SLC27A1: variants seen among roughly 807,000 people sequenced by gnomAD.
SLC27A1 encodes long-chain fatty acid transport protein 1.
In SLC27A1, 61 loss-of-function variants were observed where a neutral mutation model predicts 62.2. The ratio of observed to expected loss-of-function variants is 0.98; its 90% confidence interval spans 0.80 to 1.21. The LOEUF (loss-of-function observed/expected upper bound fraction) is 1.21, where lower values mean the gene tolerates loss of function less well. Among genes scored for constraint, SLC27A1 ranks in the 50% most tolerant of loss-of-function variants. SLC27A1 has a pLI of 0.00. For synonymous variants in SLC27A1, 435 were observed against 408.6 expected, an observed-to-expected ratio of 1.06 and a Z score of -0.78; for missense variants, 903 against 932.1, an observed-to-expected ratio of 0.97 and a Z score of 0.41.
intron 7 of SLC27A1, chr19:17,499,765 A>C (rs954851084): frequency 1.3e-5 from 2 of 153,810 alleles, no homozygotes; most frequent in African/African-American, 4.8e-5. Context: ...GTGAGCGAAG[A>C]TTGCGCCACT....
At chr19:17,503,931 CAAAAAAAAAAAA>C (rs749427478) in intron 11 of SLC27A1, among the ~76,000 whole-genome samples, 1 of 53,316 alleles carries the variant, frequency 1.9e-5, no homozygotes, top group Admixed American at 2.5e-4. Context: ...GACTATGTCT[CAAAAAAAAAAAA>C]AAAAAAAAAA....
chr19:17,500,697 T>C lies in SLC27A1; in HGVS notation c.1472-15T>C. ...TGGGGATCCTCCACCCATCTGCCCC[T>C]CTCCCCTCTGCCAGGTGACGTGCTA... On this transcript the variant is annotated splice_polypyrimidine_tract_variant and intron_variant, in intron 9 of 11. Coordinates refer to ENST00000252595, the MANE Select transcript of SLC27A1 (RefSeq NM_198580.3). 9.3e-6 allele frequency: 15 copies of C among 1,613,972 alleles called. No individual in the cohort carries two copies. Among genetic ancestry groups the C allele is most frequent in the Non-Finnish European group, 1.3e-5 (15 of 1,179,910 alleles).
rs1040819257 is a variant in SLC27A1 at position 17,471,648 on chromosome 19, A to G, written c.167+941A>G. Reference sequence around the variant, plus strand: ...GCTCAACACCTTCACAGCTCCTTGTAAGATGGAGTAGCAAGAGGGACTGAA... The same window carrying G: ...GCTCAACACCTTCACAGCTCCTTGTGAGATGGAGTAGCAAGAGGGACTGAA... On this transcript the variant is annotated intron_variant, in intron 1 of 11. Coordinates refer to ENST00000252595, the MANE Select transcript of SLC27A1 (RefSeq NM_198580.3). Among the ~76,000 whole-genome samples, 3 of 152,214 alleles carry G rather than the reference A, an allele frequency of 2.0e-5. No homozygotes were observed. In the East Asian group the frequency reaches 5.8e-4, roughly 29 times the overall value.
intron 11 of SLC27A1, among the ~76,000 whole-genome samples, 182 bp from the exon 12 acceptor site, chr19:17,504,273 A>G (rs556691905): frequency 1.3e-5 from 2 of 152,170 alleles, no homozygotes; most frequent in South Asian, 4.1e-4. Context: ...GCCTCACTGG[A>G]GGAGGGGGCA....
At chr19:17,487,413 A>G (rs934688897) in intron 3 of SLC27A1, 47 bp from the exon 4 acceptor site, 2 of 221,516 alleles carry the variant, frequency 9.0e-6, no homozygotes, top group Admixed American at 2.7e-4. Context: ...TCCAGGCCCC[A>G]CCCCCCAATG....
In SLC27A1 at chr19:17,501,998, C is replaced by G. The variant is rs550353656; in HGVS notation, c.1783+579C>G. Among the ~76,000 whole-genome samples, 13 of 151,314 alleles carry G rather than the reference C, an allele frequency of 8.6e-5. No individual in the cohort carries two copies. The South Asian group carries it at 2.7e-3, about 32-fold the overall frequency. On this transcript the variant is annotated intron_variant, in intron 11 of 11. Coordinates refer to ENST00000252595, the MANE Select transcript of SLC27A1 (RefSeq NM_198580.3). The stretch of plus-strand genomic sequence containing the variant: ...AGGCATGGTGGCATGCACTTGTAGT[C>G]CCAGCTACTCAGGAGGCTGAGGCAG...
intron 1 of SLC27A1, among the ~76,000 whole-genome samples, chr19:17,481,714 G>C (rs534232332): frequency 6.6e-6 from 1 of 152,136 alleles, no homozygotes; most frequent in East Asian, 1.9e-4. Context: ...TGTTGCCCAG[G>C]CTGGTCTCGA....
At chr19:17,487,122 C>T (rs939370075) in intron 2 of SLC27A1, 52 bp from the exon 3 acceptor site, 6 of 1,610,478 alleles carry the variant, frequency 3.7e-6, no homozygotes, top group African/African-American at 1.3e-5. Context: ...TCCCAGGCCT[C>T]GGGAGGGGGC....
chr19:17,476,125 C>T (rs927984822), intron 1 of SLC27A1, among the ~76,000 whole-genome samples: 4 of 152,158 alleles, frequency 2.6e-5, no homozygotes, highest in African/African-American at 9.7e-5. Flanking sequence ...CCTGTGGTTA[C>T]TCCCTCAATA....
At chr19:17,500,942 T>C (rs2075405700) in intron 10 of SLC27A1, 66 bp downstream of exon 10, 2 of 1,483,300 alleles carry the variant, frequency 1.3e-6, no homozygotes, top group Non-Finnish European at 1.8e-6. Flanking sequence ...AAAAGGGGCT[T>C]AGAAGTACAC....
chr19:17,501,160 G>A, intron 10 of SLC27A1, 113 bp from the exon 11 acceptor site: 1 of 1,443,534 alleles, frequency 6.9e-7, no homozygotes, highest in Non-Finnish European at 9.3e-7. Context: ...TGTCATCCCA[G>A]GTTGGGAGAG....
In SLC27A1 at chr19:17,479,875, C is replaced by T. The variant is rs537359873; in HGVS notation, c.168-6688C>T. On this transcript the variant is annotated intron_variant, in intron 1 of 11. Coordinates refer to ENST00000252595, the MANE Select transcript of SLC27A1 (RefSeq NM_198580.3). ...GCCAGGCTGGTCTCAAACTCCTGGC[C>T]TCAAGTGATCTGCCCACCTTGGCCT... is the stretch of plus-strand genomic sequence containing the variant. Among the ~76,000 whole-genome samples, 217 of 152,240 alleles carry T rather than the reference C, an allele frequency of 1.4e-3. 1 individual carries two copies. Among genetic ancestry groups the T allele is most frequent in the Non-Finnish European group, 3.7e-4 (25 of 68,014 alleles).
Position 17,505,173 on chromosome 19 carries a change from C to A in SLC27A1, c.*561C>A. On this transcript the variant is annotated 3_prime_UTR_variant, in exon 12 of 12. Transcript: ENST00000252595. ...CCTCCCAGAGTGCTGGGATTATAGG[C>A]GTGAGCCTCTGGCCCGGCCTTTCCT... The A allele has an allele frequency of 3.1e-6, 1 of 320,542 alleles. No homozygotes were observed. Among genetic ancestry groups the A allele is most frequent in the South Asian group, 2.6e-5 (1 of 38,410 alleles). 19.9% of individuals were successfully genotyped at this position (320,542 alleles called of 1,614,324 possible).
chr19:17,486,599 G>C lies in SLC27A1; in HGVS notation c.204G>C (p.Leu68=). 2 of 1,593,886 alleles carry C rather than the reference G, an allele frequency of 1.3e-6. No homozygotes were observed. The highest frequency in any genetic ancestry group is 1.7e-6 in the Non-Finnish European group (2 of 1,177,004). The change falls in exon 2 of 12, where the codon CTG becomes CTC. Residue 68 remains leucine, a synonymous_variant. Coordinates refer to ENST00000252595, the MANE Select transcript of SLC27A1 (RefSeq NM_198580.3). This position sits in a 1 kb window ranked among gnomAD's most constrained non-coding sequence, Gnocchi z 6.6. ...LSVLIRVRLE[L]RRHQRAGHTI... is the part of the protein sequence containing the mutation. ...TGCTGATCCGCGTGCGCCTGGAGCT[G>C]CGGCGGCACCAGCGTGCCGGCCACA... is the stretch of plus-strand genomic sequence containing the variant.
chr19:17,473,211 C>T lies in SLC27A1; in HGVS notation c.167+2504C>T, dbSNP rs534591419. On this transcript the variant is annotated intron_variant, in intron 1 of 11. Coordinates refer to ENST00000252595, the MANE Select transcript of SLC27A1 (RefSeq NM_198580.3). ...GCCTCCCAAAGTGCTGGGATTACCG[C>T]GCCCAGCGTGAACTGCTTTGAACCA... Among the ~76,000 whole-genome samples the T allele has an allele frequency of 3.3e-4, 50 of 152,188 alleles. No individual in the cohort carries two copies. In the South Asian group the frequency reaches 7.0e-3, roughly 21 times the overall value.
chr19:17,480,538 T>TTC (rs1268281386), intron 1 of SLC27A1, among the ~76,000 whole-genome samples: 1 of 91,686 alleles, frequency 1.1e-5, no homozygotes, highest in Non-Finnish European at 2.5e-5. Context: ...AGTTAATTTT[T>TTC]TTCTTTTTTT....
In SLC27A1 at chr19:17,470,540, G is replaced by C. The variant is rs1477506534; in HGVS notation, c.-1G>C. ...GCCTCAGCTCTCTCTGCTTCCCCAG[G>C]ATGCGGGCTCCGGGTGCGGGCGCGG... On this transcript the variant is annotated 5_prime_UTR_variant, in exon 1 of 12. Coordinates refer to ENST00000252595, the MANE Select transcript of SLC27A1 (RefSeq NM_198580.3). 1 of 1,553,172 alleles carries C rather than the reference G, an allele frequency of 6.4e-7. No individual in the cohort carries two copies. Among genetic ancestry groups the C allele is most frequent in the South Asian group, 1.2e-5 (1 of 85,948 alleles).
intron 1 of SLC27A1, among the ~76,000 whole-genome samples, chr19:17,477,642 T>C (rs910940065): frequency 6.6e-6 from 1 of 151,466 alleles, no homozygotes; most frequent in Non-Finnish European, 1.5e-5. Context: ...AACCTCCACC[T>C]CCTGAGTTCA....
intron 1 of SLC27A1, among the ~76,000 whole-genome samples, chr19:17,481,313 CTTTTTTT>C (rs1041522913): frequency 2.4e-5 from 3 of 127,278 alleles, no homozygotes; most frequent in Admixed American, 8.0e-5. Context: ...GGTTTAGTTC[CTTTTTTT>C]TTTTTTTTTT....
Sources: gnomAD v4.1 joint callset for allele counts (sites outside exome capture counted in the v4.1 genomes callset) on GRCh38, gnomAD v4.1.1 for gene constraint, Gnocchi (gnomAD v3.1) non-coding constraint, MANE v1.5 for transcripts, NCBI Gene and HGNC (gene_info 2026-07-23, HGNC 2026-07-21) for gene names.